The following MVB12A variants were observed in gnomAD, a reference collection of about 807,000 sequenced individuals.
MVB12A encodes CIN85/CD2AP family binding protein.
Under a neutral mutation model 34.3 loss-of-function variants are expected in MVB12A, and 30 were observed. The ratio of observed to expected loss-of-function variants is 0.88; its 90% CI spans 0.65 to 1.19. The LOEUF (loss-of-function observed/expected upper bound fraction) is 1.19. MVB12A is among the 50% of genes most tolerant of loss of function. The probability of loss-of-function intolerance (pLI) is 0.00; values close to 1 mark genes in which losing one functional copy is unlikely to be tolerated. For synonymous variants in MVB12A, 158 were observed against 158.9 expected, an observed-to-expected ratio of 0.99 and a Z score of 0.04; for missense variants, 355 against 369.2, an observed-to-expected ratio of 0.96 and a Z score of 0.31.
In MVB12A at chr19:17,423,609, C is replaced by T. The variant is rs1184132553; in HGVS notation, c.525C>T (p.Ser175=). 6.2e-7 allele frequency: 1 copy of T among 1,614,006 alleles called. No individual in the cohort carries two copies. The highest frequency in any genetic ancestry group is 1.3e-5 in the African/African-American group (1 of 75,076). The stretch of plus-strand genomic sequence containing the variant: ...AGGGCCTCTCTCTGGATGCAGCCAG[C>T]CAGCCAAGGTGAGTCCTCAGGCACC... ...DMQGLSLDAA[S]QPSKGGLLER... Residue 175 remains serine, a synonymous_variant, in exon 5 of 9, where the codon AGC becomes AGT. Coordinates refer to ENST00000317040, the MANE Select transcript of MVB12A (RefSeq NM_138401.4).
At chr19:17,423,191 TAAA>T (rs895549170) in intron 4 of MVB12A, among the ~76,000 whole-genome samples, 2 of 106,652 alleles carry the variant, frequency 1.9e-5, no homozygotes, top group Middle Eastern at 5.3e-3. Context: ...CGTTTCTACT[TAAA>T]AAAAAAAAAA....
At chr19:17,420,747 G>T (rs370932533) in intron 3 of MVB12A, 113 bp downstream of exon 3, 2 of 719,124 alleles carry the variant, frequency 2.8e-6, no homozygotes, top group Admixed American at 2.2e-5. Context: ...GGCACACGGG[G>T]TGATGACAGG....
upstream of MVB12A, among the ~76,000 whole-genome samples, chr19:17,416,616 C>T (rs532613708): frequency 3.8e-4 from 57 of 151,124 alleles, no homozygotes; most frequent in Admixed American, 7.9e-4. Context: ...TGGGGTTTCA[C>T]CCATGTTGGC....
At chr19:17,416,314 G>A (rs1427351811), upstream of MVB12A, among the ~76,000 whole-genome samples, 1 of 150,814 alleles carries the variant, frequency 6.6e-6, no homozygotes, top group African/African-American at 2.4e-5. Flanking sequence ...GTTTCACCAT[G>A]TTGGTCAGAC....
chr19:17,419,491 C>T (rs2074821578), upstream of MVB12A: 1 of 152,236 alleles, frequency 6.6e-6, no homozygotes, highest in African/African-American at 2.4e-5. Context: ...TTTCAAAGCT[C>T]ATGATGGTCC....
chr19:17,410,276 TCCTCTCACCTCAG>T (rs1223142843), intron 2 of MVB12A, among the ~76,000 whole-genome samples: 1 of 150,712 alleles, frequency 6.6e-6, no homozygotes, highest in East Asian at 2.0e-4. Flanking sequence ...GCTCAAGCAA[TCCTCTCACCTCAG>T]CCTCTGGCGT....
At chr19:17,419,785 A>G (rs879268436), upstream of MVB12A, 6 of 173,862 alleles carry the variant, frequency 3.5e-5, no homozygotes, top group Non-Finnish European at 7.3e-5. Context: ...TGAGGCCGGA[A>G]GGAATTCTGG....
upstream of MVB12A, chr19:17,420,043 A>C (rs1599606061): frequency 7.5e-4 from 193 of 258,558 alleles, no homozygotes; most frequent in East Asian, 1.2e-3. Context: ...GCCTTCTGGG[A>C]GTTGTAGTTC....
chr19:17,410,496 T>TTATATATGTATATGTATA (rs1568387298), intron 2 of MVB12A, among the ~76,000 whole-genome samples: 1 of 31,514 alleles, frequency 3.2e-5, no homozygotes, highest in African/African-American at 1.0e-4. Context: ...GGTTTTAGCT[T>TTATATATGTATATGTATA]CATATATATA....
chr19:17,422,633 G>A lies in MVB12A; in HGVS notation c.413+175G>A, dbSNP rs2074845458. The A allele has an allele frequency of 5.6e-6, 3 of 540,536 alleles. No individual in the cohort carries two copies. The African/African-American group carries it at 5.8e-5, about 10-fold the overall frequency. 33.5% of individuals were successfully genotyped at this position (540,536 alleles called of 1,614,324 possible). Reference sequence around the variant, plus strand: ...TATCATCTTGTAGGACTGTCATTAGGAGTCAGTGACTTGGTGTCTAAAGTA... The same window carrying A: ...TATCATCTTGTAGGACTGTCATTAGAAGTCAGTGACTTGGTGTCTAAAGTA... On this transcript the variant is annotated intron_variant, in intron 4 of 8. Coordinates refer to ENST00000317040, the MANE Select transcript of MVB12A (RefSeq NM_138401.4).
intron 1 of MVB12A, chr19:17,405,837 G>A (rs529346201): frequency 1.3e-5 from 5 of 386,122 alleles, no homozygotes; most frequent in Admixed American, 8.9e-5. Context: ...CCAGCCAACT[G>A]TGGCTGCCTG....
intron 2 of MVB12A, among the ~76,000 whole-genome samples, chr19:17,410,852 C>A (rs1464286537): frequency 7.0e-6 from 1 of 143,240 alleles, no homozygotes; most frequent in Non-Finnish European, 1.5e-5. Flanking sequence ...TCGCTTGAAC[C>A]CAGAGGCAGA....
chr19:17,419,413 A>G (rs2074821103), upstream of MVB12A: 2 of 152,192 alleles, frequency 1.3e-5, no homozygotes, highest in South Asian at 4.1e-4. Context: ...TACAGGCAAT[A>G]AATTCTTTTA....
chr19:17,422,087 C>T (rs2074841816), intron 3 of MVB12A: 3 of 369,138 alleles, frequency 8.1e-6, no homozygotes, highest in African/African-American at 6.2e-5. Context: ...CACAGCTAGC[C>T]ACCCCATGAA....
rs563248205 is a variant in MVB12A at position 17,410,305 on chromosome 19, G to A, written c.-5+4009G>A. Among the ~76,000 whole-genome samples the A allele has an allele frequency of 1.9e-4, 28 of 149,422 alleles. 1 individual carries two copies. In the East Asian group the frequency reaches 5.6e-3, roughly 30 times the overall value. ...CTCACCTCAGCCTCTGGCGTAGCTGGGACTATATGTGTGCACCACCACGCC... is the reference window on the plus strand; with the variant it reads ...CTCACCTCAGCCTCTGGCGTAGCTGAGACTATATGTGTGCACCACCACGCC... On this transcript the variant is annotated intron_variant, in intron 2 of 6. Coordinates refer to the MVB12A transcript ENST00000528604.
chr19:17,410,603 T>TACACGTGTATATATATAC (rs1568387516), intron 2 of MVB12A, among the ~76,000 whole-genome samples: 2 of 138,872 alleles, frequency 1.4e-5, no homozygotes, highest in African/African-American at 5.6e-5. Context: ...CATATATATA[T>TACACGTGTATATATATAC]ACACATATAT....
At chr19:17,421,257 T>C (rs1476118199) in intron 3 of MVB12A, 3 of 354,170 alleles carry the variant, frequency 8.5e-6, no homozygotes, top group Non-Finnish European at 1.6e-5. Flanking sequence ...CGATCTCAGC[T>C]CACCACAACC....
At chr19:17,424,808 A>ATC in intron 8 of MVB12A, 123 bp from the exon 9 acceptor site, 1 of 1,322,252 alleles carries the variant, frequency 7.6e-7, no homozygotes, top group Non-Finnish European at 1.1e-6. Context: ...GACACACACC[A>ATC]TCTCTCCAGG....
chr19:17,422,378 C>T lies in MVB12A; in HGVS notation c.333C>T (p.Pro111=), dbSNP rs1338827281. The T allele has an allele frequency of 1.2e-6, 2 of 1,613,628 alleles. No individual in the cohort carries two copies. Among genetic ancestry groups the T allele is most frequent in the Non-Finnish European group, 1.7e-6 (2 of 1,179,770 alleles). ...AACGCATGTGTGTGAAGCTGTTGCCCCTGGGAGCCACGGACACGGCTGTGT... is the reference window on the plus strand; with the variant it reads ...AACGCATGTGTGTGAAGCTGTTGCCTCTGGGAGCCACGGACACGGCTGTGT... ...KKKRMCVKLL[P]LGATDTAVFD... Residue 111 remains proline (P), a synonymous_variant, in exon 4 of 9, where the codon CCC becomes CCT. Transcript: ENST00000317040.
Sources: allele counts gnomAD v4.1 joint callset (sites outside exome capture counted in the v4.1 genomes callset), GRCh38; gene constraint gnomAD v4.1.1; transcripts MANE v1.5; gene names NCBI Gene and HGNC (gene_info 2026-07-23, HGNC 2026-07-21).